ZBTB41: variants seen among roughly 807,000 people sequenced by gnomAD.
ZBTB41 encodes the protein zinc finger and BTB domain containing 41.
A neutral mutation model predicts 87.6 loss-of-function variants in ZBTB41; 42 were observed. The ratio of observed to expected loss-of-function variants is 0.48; its 90% CI spans 0.37 to 0.62. ZBTB41 has a LOEUF of 0.62. Among genes scored for constraint, ZBTB41 ranks in the 20% least tolerant of loss-of-function variants. The pLI is 0.00. For missense variants in ZBTB41, 799 were observed against 1,078.9 expected, an observed-to-expected ratio of 0.74 and a Z score of 3.63; for synonymous variants, 364 against 364.0, an observed-to-expected ratio of 1.00 and a Z score of 0.00.
chr1:197,197,352 A>G (rs1340233972), intron 2 of ZBTB41, among the ~76,000 whole-genome samples: 1 of 152,040 alleles, frequency 6.6e-6, no homozygotes, highest in African/African-American at 2.4e-5. Context: ...TAGATACACT[A>G]AGGTAATAGA....
chr1:197,172,903 A>C (rs1267480162), intron 9 of ZBTB41, among the ~76,000 whole-genome samples: 1 of 152,172 alleles, frequency 6.6e-6, no homozygotes, highest in Non-Finnish European at 1.5e-5. Context: ...ATAAAATTTT[A>C]TACCTAAATT....
chr1:197,163,874 G>A (rs1351483569), intron 10 of ZBTB41, among the ~76,000 whole-genome samples: 1 of 151,836 alleles, frequency 6.6e-6, no homozygotes, highest in Non-Finnish European at 1.5e-5. Context: ...AAATTCTACA[G>A]TCAGAAAAAA....
rs187109878 is a variant in ZBTB41 at position 197,199,881 on chromosome 1, T to C, written c.593A>G (p.Glu198Gly). 2.5e-4 allele frequency: 399 copies of C among 1,609,720 alleles called. No individual in the cohort carries two copies. The highest frequency in any genetic ancestry group is 3.2e-4 in the Non-Finnish European group (374 of 1,178,510). Residue 198 changes from glutamate (E) to glycine (G), a missense_variant, in exon 2 of 11, where the codon GAA becomes GGA. Glu to Gly is a moderately conservative substitution (Grantham distance 98, BLOSUM62 -2). This residue lies in a region of ZBTB41 where 294 missense variants were observed against 340.1 expected (regional missense o/e 0.86). Coordinates refer to ENST00000367405, the MANE Select transcript of ZBTB41 (RefSeq NM_194314.3). Reference sequence around the variant, plus strand: ...ATTATTTGATAGTCTTCCAGTTAATTCATTTAGTGTTTCTTCTGGTGATGA... The same window carrying C: ...ATTATTTGATAGTCTTCCAGTTAATCCATTTAGTGTTTCTTCTGGTGATGA... ...EKSSPEETLN[E>G]LTGRLSNNHQ...
At chr1:197,176,477 A>C (rs1281875487) in intron 8 of ZBTB41, 87 bp downstream of exon 8, 5 of 929,002 alleles carry the variant, frequency 5.4e-6, no homozygotes, top group Non-Finnish European at 6.6e-6. Flanking sequence ...TATTAAACTT[A>C]TAGCCAACAT....
chr1:197,170,816 A>G (rs1020427538), intron 10 of ZBTB41, among the ~76,000 whole-genome samples: 2 of 152,176 alleles, frequency 1.3e-5, no homozygotes, highest in African/African-American at 4.8e-5. Flanking sequence ...TTAGTTGCAA[A>G]GCCTAAAACA....
intron 8 of ZBTB41, among the ~76,000 whole-genome samples, chr1:197,175,404 A>T (rs562014239): frequency 8.9e-6 from 1 of 112,870 alleles, no homozygotes; most frequent in African/African-American, 3.0e-5. Context: ...AAGATAAACG[A>T]AACTACTTCA....
intron 4 of ZBTB41, among the ~76,000 whole-genome samples, chr1:197,189,601 G>A (rs1010109763): frequency 1.3e-5 from 2 of 151,996 alleles, no homozygotes; most frequent in African/African-American, 2.4e-5. Flanking sequence ...CCATAAATAC[G>A]ATGGTACTCC....
chr1:197,158,123 T>A lies in ZBTB41; in HGVS notation c.*1236A>T, dbSNP rs1425273948. 1 of 152,422 alleles carries A rather than the reference T, an allele frequency of 6.6e-6. No individual in the cohort carries two copies. The highest frequency in any genetic ancestry group is 2.4e-5 in the African/African-American group (1 of 41,448). The allele number at this position is 152,422 out of a possible 1,614,324, so 9.4% of individuals were successfully genotyped here. On this transcript the variant is annotated 3_prime_UTR_variant, in exon 11 of 11. Transcript: ENST00000367405. The stretch of plus-strand genomic sequence containing the variant: ...TATGGAAAGTGCATGTCTTTAAAGG[T>A]ATTTTATAATTTTGACTTTTTCCTC...
chr1:197,181,822 T>C (rs575164220), intron 5 of ZBTB41, among the ~76,000 whole-genome samples: 3 of 152,224 alleles, frequency 2.0e-5, no homozygotes, highest in African/African-American at 7.2e-5. Flanking sequence ...ATAAGCAAAA[T>C]TGCTTGGTAG....
At chr1:197,197,213 A>G (rs994857190) in intron 2 of ZBTB41, among the ~76,000 whole-genome samples, 2 of 152,140 alleles carry the variant, frequency 1.3e-5, no homozygotes, top group Non-Finnish European at 2.9e-5. Context: ...TTATGAGGAA[A>G]CAAAAACACA....
chr1:197,185,721 A>G (rs1659866835), intron 5 of ZBTB41, among the ~76,000 whole-genome samples: 1 of 152,178 alleles, frequency 6.6e-6, no homozygotes, highest in African/African-American at 2.4e-5. Flanking sequence ...GCCAATACTC[A>G]AGGTTCACCA....
chr1:197,197,823 A>G (rs1660207498), intron 2 of ZBTB41, among the ~76,000 whole-genome samples: 1 of 152,198 alleles, frequency 6.6e-6, no homozygotes, highest in Non-Finnish European at 1.5e-5. Context: ...TGAATTACGT[A>G]GTTCCCAATC....
chr1:197,190,477 CTG>C (rs1048214398), intron 4 of ZBTB41, among the ~76,000 whole-genome samples: 1 of 152,180 alleles, frequency 6.6e-6, no homozygotes, highest in African/African-American at 2.4e-5. Context: ...ATTTTATACT[CTG>C]TGCAACAGTA....
Position 197,199,503 on chromosome 1 carries a change from C to T in ZBTB41, c.971G>A (p.Ser324Asn). Residue 324 changes from serine (S) to asparagine (N), a missense_variant, in exon 2 of 11, where the codon AGT becomes AAT. Around this residue, in one of 5 missense-constraint regions of ZBTB41, gnomAD observed 294 missense variants for 340.1 expected, o/e 0.86. Transcript: ENST00000367405. The stretch of plus-strand genomic sequence containing the variant: ...TTCTGCATCATTATGATCCTTTTCA[C>T]TTTGTTCTTCAATGTCAGAGTACTC... ...SDEYSDIEEQ[S>N]EKDHNDAEEE... 6.2e-7 allele frequency: 1 copy of T among 1,612,216 alleles called. No homozygotes were observed. The highest frequency in any genetic ancestry group is 8.5e-7 in the Non-Finnish European group (1 of 1,179,530).
intron 6 of ZBTB41, among the ~76,000 whole-genome samples, chr1:197,179,224 G>A (rs989549633): frequency 1.3e-5 from 2 of 152,096 alleles, no homozygotes; most frequent in African/African-American, 4.8e-5. Flanking sequence ...CACTACTACA[G>A]TCATGTACTG....
At chr1:197,198,788 T>C (rs1389858499) in intron 2 of ZBTB41, among the ~76,000 whole-genome samples, 1 of 152,178 alleles carries the variant, frequency 6.6e-6, no homozygotes, top group Non-Finnish European at 1.5e-5. Context: ...ATGTATAATA[T>C]AACCAGAGTG....
chr1:197,177,676 A>T (rs777141589), intron 7 of ZBTB41, among the ~76,000 whole-genome samples: 3 of 152,118 alleles, frequency 2.0e-5, no homozygotes, highest in Admixed American at 6.6e-5. Context: ...ATTAAGATTA[A>T]TTTAACTTGA....
At chr1:197,174,088 GGACTTAAGATAAAT>G in intron 9 of ZBTB41, among the ~76,000 whole-genome samples, 1 of 152,034 alleles carries the variant, frequency 6.6e-6, no homozygotes, top group Non-Finnish European at 1.5e-5. Context: ...TCCTCACAGT[GGACTTAAGATAAAT>G]TCTGTAGGGC....
intron 8 of ZBTB41, 68 bp downstream of exon 8, chr1:197,176,496 C>A: frequency 9.5e-7 from 1 of 1,057,114 alleles, no homozygotes; most frequent in Non-Finnish European, 1.4e-6. Flanking sequence ...ATAAACATAA[C>A]ATCATATTAT....
Sources: gnomAD v4.1 joint callset for allele counts (sites outside exome capture counted in the v4.1 genomes callset) on GRCh38, gnomAD v4.1.1 for gene constraint, gnomAD v4.1.1 regional missense constraint, MANE v1.5 for transcripts, NCBI Gene and HGNC (gene_info 2026-07-23, HGNC 2026-07-21) for gene names.